Variants in NCOR2 observed in about 807,000 individuals in gnomAD.
NCOR2 encodes the protein CTG repeat protein 26.
A neutral mutation model predicts 262.9 loss-of-function variants in NCOR2; 81 were observed. The observed-to-expected ratio is 0.31, with a 90% CI of 0.26 to 0.37. NCOR2 has a LOEUF of 0.37. Among genes scored for constraint, NCOR2 ranks in the 10% least tolerant of loss-of-function variants. The pLI is 1.00. For missense variants in NCOR2, 3,385 were observed against 3,621.4 expected, an observed-to-expected ratio of 0.93 and a Z score of 1.68; for synonymous variants, 1,659 against 1,559.3, an observed-to-expected ratio of 1.06 and a Z score of -1.51.
chr12:124,371,256 G>A (rs1387775138), intron 20 of NCOR2, among the ~76,000 whole-genome samples: 1 of 149,074 alleles, frequency 6.7e-6, no homozygotes, highest in African/African-American at 2.5e-5. Flanking sequence ...CCACCCTTTG[G>A]CACCTGAATC....
At chr12:124,490,454 A>ATGGG (rs1280457760) in intron 1 of NCOR2, among the ~76,000 whole-genome samples, 1 of 147,040 alleles carries the variant, frequency 6.8e-6, no homozygotes, top group African/African-American at 2.5e-5. Context: ...GGATGGATGG[A>ATGGG]TGGATGGATC....
At chr12:124,489,161 C>T (rs55637736) in intron 1 of NCOR2, among the ~76,000 whole-genome samples, 13,890 of 151,792 alleles carry the variant, frequency 0.092, 737 homozygotes, top group East Asian at 0.15. Context: ...GAGGTGGAGC[C>T]CAAGGGGTCC....
At chr12:124,390,775 C>T (rs2041248512) in intron 16 of NCOR2, among the ~76,000 whole-genome samples, 1 of 152,262 alleles carries the variant, frequency 6.6e-6, no homozygotes, top group Admixed American at 6.5e-5. Flanking sequence ...CAGATTCTGC[C>T]ACCATGCCCT....
At chr12:124,540,098 G>A (rs1294150644), upstream of NCOR2, among the ~76,000 whole-genome samples, 3 of 151,064 alleles carry the variant, frequency 2.0e-5, no homozygotes, top group Non-Finnish European at 3.0e-5. Flanking sequence ...GGGTCTTAGG[G>A]GCCAAGGTCA....
chr12:124,443,594 C>T lies in NCOR2; in HGVS notation c.816-5598G>A, dbSNP rs1483025927. Among the ~76,000 whole-genome samples the T allele has an allele frequency of 1.3e-5, 2 of 152,146 alleles. No individual in the cohort carries two copies. The highest frequency in any genetic ancestry group is 3.9e-4 in the East Asian group (2 of 5,190). Reference sequence around the variant, plus strand: ...CTCGGCTCACTGCAACCTCTGCCTCCCGGGTTCAAGTGATTGTCCTGCCTC... The same window carrying T: ...CTCGGCTCACTGCAACCTCTGCCTCTCGGGTTCAAGTGATTGTCCTGCCTC... On this transcript the variant is annotated intron_variant, in intron 7 of 46. Coordinates refer to ENST00000405201, the Ensembl canonical transcript of NCOR2. The surrounding 1 kb of genome is among the most constrained non-coding windows in gnomAD (Gnocchi z 4.4).
intron 5 of NCOR2, among the ~76,000 whole-genome samples, chr12:124,464,194 G>A (rs2046318931): frequency 1.3e-5 from 2 of 151,826 alleles, no homozygotes; most frequent in African/African-American, 2.4e-5. Context: ...GGGTTGAAAC[G>A]GGTCTTGCTG....
chr12:124,459,824 A>T (rs2046070202), intron 5 of NCOR2, among the ~76,000 whole-genome samples: 1 of 151,872 alleles, frequency 6.6e-6, no homozygotes, highest in African/African-American at 2.4e-5. Context: ...ACCAAATCCA[A>T]ACTCCTCGCC....
chr12:124,372,244 A>T lies in NCOR2; in HGVS notation c.2585T>A (p.Val862Asp), dbSNP rs541791296. The change falls in exon 20 of 47, where the codon GTC becomes GAC. Residue 862 changes from valine (V) to aspartate (D), a missense_variant. By Grantham distance (152) the Val-to-Asp change is radical. Around this residue, in one of 5 missense-constraint regions of NCOR2, gnomAD observed 1,615 missense variants for 1,626.9 expected, o/e 0.99. Transcript: ENST00000405201. ...GGCTTCCTCCGTGCACTCGCTCTTG[A>T]CGGGCTCCTCGGCCTTCCCTGTGTC... The T allele has an allele frequency of 4.4e-6, 7 of 1,594,396 alleles. No homozygotes were observed. The Admixed American group carries it at 5.1e-5, about 12-fold the overall frequency.
chr12:124,373,014 C>T (rs932623410), intron 19 of NCOR2, among the ~76,000 whole-genome samples: 3 of 152,248 alleles, frequency 2.0e-5, no homozygotes, highest in African/African-American at 4.8e-5. Context: ...CTGCGTGCCA[C>T]GGGAAACTCA....
intron 1 of NCOR2, among the ~76,000 whole-genome samples, chr12:124,552,876 G>A (rs1333196390): frequency 3.3e-5 from 5 of 152,076 alleles, no homozygotes; most frequent in Non-Finnish European, 5.9e-5. Context: ...AGAGACAGGG[G>A]GTCCCACTGT....
intron 1 of NCOR2, among the ~76,000 whole-genome samples, chr12:124,521,909 T>TC (rs1442668412): frequency 9.2e-5 from 14 of 152,084 alleles, no homozygotes; most frequent in African/African-American, 3.1e-4. Context: ...TTCCAGCTAC[T>TC]CAGGAGGCTG....
intron 17 of NCOR2, among the ~76,000 whole-genome samples, chr12:124,380,974 G>A (rs1036973993): frequency 1.4e-4 from 21 of 152,196 alleles, no homozygotes; most frequent in Admixed American, 3.3e-4. Context: ...TATGCCTGAC[G>A]TTTATTAAGC....
At chr12:124,459,518 G>A (rs1005512449) in intron 5 of NCOR2, among the ~76,000 whole-genome samples, 8 of 152,182 alleles carry the variant, frequency 5.3e-5, no homozygotes, top group African/African-American at 1.9e-4. Context: ...CCAACATCTG[G>A]GAGTCGGCTG....
intron 22 of NCOR2, among the ~76,000 whole-genome samples, chr12:124,361,625 C>A (rs1189403362): frequency 6.6e-6 from 1 of 152,234 alleles, no homozygotes; most frequent in African/African-American, 2.4e-5. Context: ...AGGATGCCAG[C>A]TGGGGAGGGC....
intron 13 of NCOR2, among the ~76,000 whole-genome samples, chr12:124,418,554 C>T (rs1040992733): frequency 6.6e-6 from 1 of 152,228 alleles, no homozygotes; most frequent in East Asian, 1.9e-4. Flanking sequence ...GCAGCCTCTC[C>T]AGGCACAGTC....
intron 16 of NCOR2, chr12:124,388,743 A>G: frequency 7.7e-7 from 1 of 1,304,274 alleles, no homozygotes; most frequent in Non-Finnish European, 1.0e-6. Context: ...GGCTGGGAAG[A>G]TGCCCCAGGG....
At chr12:124,462,584 G>C (rs940657481) in intron 5 of NCOR2, among the ~76,000 whole-genome samples, 2 of 152,244 alleles carry the variant, frequency 1.3e-5, no homozygotes, top group African/African-American at 4.8e-5. Context: ...TGGACCCTGG[G>C]GGCAGTTTTG....
At chr12:124,334,044 AATC>A (rs1315219830) in intron 41 of NCOR2, among the ~76,000 whole-genome samples, 1 of 101,864 alleles carries the variant, frequency 9.8e-6, no homozygotes, top group Non-Finnish European at 2.6e-5. Flanking sequence ...GCTGCTCTCT[AATC>A]ATACAGCCCT....
chr12:124,337,573 A>G (rs1245598986), intron 37 of NCOR2, among the ~76,000 whole-genome samples: 2 of 152,210 alleles, frequency 1.3e-5, no homozygotes, highest in Non-Finnish European at 2.9e-5. Context: ...AGGTACCAGG[A>G]GAGAACGGCA....
Sources: allele counts gnomAD v4.1 joint callset (sites outside exome capture counted in the v4.1 genomes callset), GRCh38; gene constraint gnomAD v4.1.1; regional missense constraint gnomAD v4.1.1; non-coding constraint Gnocchi (gnomAD v3.1); transcripts MANE v1.5; gene names NCBI Gene and HGNC (gene_info 2026-07-23, HGNC 2026-07-21).